DKK2: variants seen among roughly 807,000 people sequenced by gnomAD.
DKK2 encodes dickkopf-related protein 2.
Under a neutral mutation model 28.1 loss-of-function variants are expected in DKK2, and 11 were observed. The ratio of observed to expected loss-of-function variants is 0.39; its 90% CI spans 0.25 to 0.65. DKK2 has a LOEUF of 0.65. DKK2 is among the 30% of genes least tolerant of loss of function. DKK2 has a pLI of 0.47. For synonymous variants in DKK2, 135 were observed against 126.5 expected, an observed-to-expected ratio of 1.07 and a Z score of -0.45; for missense variants, 326 against 335.5, an observed-to-expected ratio of 0.97 and a Z score of 0.22.
intron 1 of DKK2, among the ~76,000 whole-genome samples, chr4:106,936,204 G>C (rs1054626609): frequency 1.3e-5 from 2 of 152,088 alleles, no homozygotes; most frequent in Non-Finnish European, 2.9e-5. Context: ...AGGCAAAGAA[G>C]TTGAAAACTT....
intron 1 of DKK2, among the ~76,000 whole-genome samples, chr4:106,942,682 C>G (rs1442291497): frequency 1.3e-5 from 2 of 152,004 alleles, no homozygotes; most frequent in African/African-American, 2.4e-5. Flanking sequence ...TCTAGGCAAA[C>G]AAAACAAATT....
chr4:107,029,505 A>G (rs1474525437), intron 1 of DKK2, among the ~76,000 whole-genome samples: 1 of 152,210 alleles, frequency 6.6e-6, no homozygotes, highest in Non-Finnish European at 1.5e-5. Flanking sequence ...CATGCCTGGC[A>G]TAGAGTGAAT....
At chr4:107,015,700 C>T (rs74559181) in intron 1 of DKK2, among the ~76,000 whole-genome samples, 24 of 151,806 alleles carry the variant, frequency 1.6e-4, no homozygotes, top group African/African-American at 5.3e-4. Flanking sequence ...CCTCAATGAT[C>T]TGTGTCTCAA....
chr4:106,994,846 T>C (rs998127661), intron 1 of DKK2, among the ~76,000 whole-genome samples: 24 of 152,346 alleles, frequency 1.6e-4, no homozygotes, highest in African/African-American at 5.0e-4. Context: ...CTGCAAGGGC[T>C]CCTGTTTGGC....
intron 1 of DKK2, among the ~76,000 whole-genome samples, chr4:107,023,684 C>T (rs1024115764): frequency 5.9e-5 from 9 of 152,046 alleles, no homozygotes; most frequent in African/African-American, 2.2e-4. Context: ...AAATTTACCA[C>T]ACTAATGCAA....
At chr4:106,963,611 G>A (rs969540527) in intron 1 of DKK2, among the ~76,000 whole-genome samples, 1 of 152,090 alleles carries the variant, frequency 6.6e-6, no homozygotes, top group Non-Finnish European at 1.5e-5. Context: ...AGCCACTATG[G>A]AGAACAATTG....
chr4:107,014,653 TC>T (rs940785952), intron 1 of DKK2, among the ~76,000 whole-genome samples: 4 of 151,474 alleles, frequency 2.6e-5, no homozygotes, highest in African/African-American at 7.3e-5. Context: ...TTAAAAGTTA[TC>T]CCCACAAATA....
chr4:106,945,623 C>A (rs889348046), intron 1 of DKK2, among the ~76,000 whole-genome samples: 3 of 152,070 alleles, frequency 2.0e-5, no homozygotes, highest in Admixed American at 6.6e-5. Context: ...GCAGTGGAAT[C>A]CTTCCATGGT....
intron 1 of DKK2, among the ~76,000 whole-genome samples, chr4:106,948,426 G>C (rs1724810691): frequency 6.6e-6 from 1 of 152,074 alleles, no homozygotes; most frequent in South Asian, 2.1e-4. Flanking sequence ...TTTAATTATA[G>C]GTTTTATTAA....
At chr4:106,935,698 G>A (rs1246123199) in intron 1 of DKK2, among the ~76,000 whole-genome samples, 3 of 152,322 alleles carry the variant, frequency 2.0e-5, no homozygotes, top group East Asian at 3.9e-4. Flanking sequence ...AGTAACCTCT[G>A]CAGACTTAAA....
chr4:106,980,493 G>T (rs1288512829), intron 1 of DKK2, among the ~76,000 whole-genome samples: 1 of 152,132 alleles, frequency 6.6e-6, no homozygotes, highest in Non-Finnish European at 1.5e-5. Flanking sequence ...TGGAAGATAT[G>T]TAATTTAACT....
At chr4:106,998,874 G>A (rs1011416349) in intron 1 of DKK2, among the ~76,000 whole-genome samples, 9 of 152,156 alleles carry the variant, frequency 5.9e-5, no homozygotes, top group African/African-American at 1.7e-4. Flanking sequence ...TATGTTGTAA[G>A]TATGTGATTT....
intron 1 of DKK2, among the ~76,000 whole-genome samples, chr4:106,983,194 T>C (rs1001899002): frequency 4.6e-5 from 7 of 151,682 alleles, no homozygotes; most frequent in African/African-American, 1.7e-4. Context: ...CAGTAAATAC[T>C]GGGTGAATCA....
intron 1 of DKK2, among the ~76,000 whole-genome samples, chr4:106,992,792 G>A (rs1044294293): frequency 1.3e-5 from 2 of 152,216 alleles, no homozygotes; most frequent in East Asian, 1.9e-4. Flanking sequence ...ATATGTGCTC[G>A]AAATCCTACC....
intron 1 of DKK2, among the ~76,000 whole-genome samples, chr4:106,994,055 G>A (rs1285173556): frequency 1.3e-5 from 2 of 152,148 alleles, no homozygotes; most frequent in East Asian, 1.9e-4. Flanking sequence ...CTTATCTAGC[G>A]GTTGAAGTAA....
At chr4:106,951,987 G>C (rs1724866946) in intron 1 of DKK2, among the ~76,000 whole-genome samples, 1 of 152,090 alleles carries the variant, frequency 6.6e-6, no homozygotes, top group Non-Finnish European at 1.5e-5. Flanking sequence ...CTGCCTGTTT[G>C]GTGTGGTATT....
At chr4:106,936,740 G>A (rs1425973727) in intron 1 of DKK2, among the ~76,000 whole-genome samples, 2 of 152,154 alleles carry the variant, frequency 1.3e-5, no homozygotes, top group African/African-American at 4.8e-5. Context: ...CCCACAAAGG[G>A]AAGCCCATCA....
intron 1 of DKK2, among the ~76,000 whole-genome samples, chr4:107,034,048 A>G (rs1002539788): frequency 6.6e-6 from 1 of 152,196 alleles, no homozygotes; most frequent in African/African-American, 2.4e-5. Context: ...AACGGTTCAC[A>G]CTTCAAAGCT....
chr4:107,015,026 T>A lies in DKK2; in HGVS notation c.222+20344A>T, dbSNP rs116670954. ...TGTCTTTTGACATGACAAGCAGTGG[T>A]TCTATGGTCCATTTTAAACATATCT... On this transcript the variant is annotated intron_variant, in intron 1 of 3. Transcript: ENST00000285311. 3.2e-3 allele frequency among the ~76,000 whole-genome samples: 487 copies of A among 151,648 alleles called. 4 individuals carry two copies. The highest frequency in any genetic ancestry group is 0.011 in the African/African-American group (472 of 41,506).
Sources: allele counts gnomAD v4.1 joint callset (sites outside exome capture counted in the v4.1 genomes callset), GRCh38; gene constraint gnomAD v4.1.1; transcripts MANE v1.5; gene names NCBI Gene and HGNC (gene_info 2026-07-23, HGNC 2026-07-21).